The following MYO16 variants were observed in gnomAD, a reference collection of about 807,000 sequenced individuals.
The protein encoded by MYO16 is myosin XVI, also known as unconventional myosin-XVI.
In MYO16, 94 loss-of-function variants were observed where a neutral mutation model predicts 205.3. The observed-to-expected ratio is 0.46, with a 90% CI of 0.39 to 0.54. The LOEUF (loss-of-function observed/expected upper bound fraction) is 0.54, where lower values mean the gene tolerates loss of function less well. MYO16 is among the 20% of genes least tolerant of loss of function. The pLI is 0.00. For missense variants in MYO16, 2,315 were observed against 2,387.5 expected, an observed-to-expected ratio of 0.97 and a Z score of 0.63; for synonymous variants, 988 against 954.0, an observed-to-expected ratio of 1.04 and a Z score of -0.66.
chr13:108,970,752 G>C (rs188132526), intron 20 of MYO16, among the ~76,000 whole-genome samples: 1 of 152,328 alleles, frequency 6.6e-6, no homozygotes, highest in Admixed American at 6.5e-5. Flanking sequence ...AAATGCATGT[G>C]TGTGTGCTGG....
intron 1 of MYO16, among the ~76,000 whole-genome samples, chr13:108,621,330 C>G (rs181272548): frequency 3.0e-4 from 45 of 152,274 alleles, no homozygotes; most frequent in African/African-American, 9.4e-4. Context: ...GTAGTCCCCC[C>G]ACTTATTTGC....
chr13:109,156,223 C>A (rs1409751267), intron 32 of MYO16, among the ~76,000 whole-genome samples: 1 of 152,178 alleles, frequency 6.6e-6, no homozygotes, highest in Non-Finnish European at 1.5e-5. Flanking sequence ...TAATTACGCA[C>A]CATCTATGTG....
In MYO16 at chr13:108,919,414, A is replaced by G. The variant is rs186821668; in HGVS notation, c.1925+9264A>G. Among the ~76,000 whole-genome samples the G allele has an allele frequency of 2.3e-3, 350 of 152,346 alleles. 5 individuals carry two copies. Among genetic ancestry groups the G allele is most frequent in the Admixed American group, 0.02 (309 of 15,308 alleles). ...TTAATAAATATTGCTTTTCTGTCAC[A>G]TCCAATGCAGTCTGCTTGATGACGC... On this transcript the variant is annotated intron_variant, in intron 16 of 34. Coordinates refer to ENST00000457511, the MANE Select transcript of MYO16 (RefSeq NM_001198950.3).
intron 9 of MYO16, 139 bp from the exon 10 acceptor site, chr13:108,844,204 T>A: frequency 1.7e-6 from 1 of 572,918 alleles, no homozygotes; most frequent in Non-Finnish European, 2.7e-6. Context: ...TTCTTACTAA[T>A]TTTTTTCCTG....
intron 1 of MYO16, chr13:108,659,400 CT>C: frequency 2.3e-6 from 1 of 428,904 alleles, no homozygotes; most frequent in Non-Finnish European, 4.7e-6. Context: ...TATTTCCTGG[CT>C]TTCAAGTTTA....
chr13:109,140,473 G>A lies in MYO16; in HGVS notation c.4261G>A (p.Ala1421Thr). 6.5e-7 allele frequency: 1 copy of A among 1,538,828 alleles called. No individual in the cohort carries two copies. Reference sequence around the variant, plus strand: ...GACTCCGCAGTGCGCGCTGCCCCCGGCGGCGCCTCCGGGTGACGAGGACGA... The same window carrying A: ...GACTCCGCAGTGCGCGCTGCCCCCGACGGCGCCTCCGGGTGACGAGGACGA... Reference protein sequence around the residue: ...PGTPQCALPPAAPPGDEDDSE... With the variant: ...PGTPQCALPPTAPPGDEDDSE... Residue 1421 changes from alanine (A) to threonine (T), a missense_variant, in exon 32 of 35, where the codon GCG becomes ACG. Ala to Thr is a moderately conservative substitution (Grantham distance 58). Transcript: ENST00000457511. The surrounding 1 kb of genome is among the most constrained non-coding windows in gnomAD (Gnocchi z 8.0).
intron 19 of MYO16, among the ~76,000 whole-genome samples, chr13:108,963,955 C>T (rs536247575): frequency 5.9e-5 from 9 of 152,174 alleles, no homozygotes; most frequent in Non-Finnish European, 8.8e-5. Flanking sequence ...GAACTTGCAG[C>T]TCTCTGACTA....
chr13:108,800,721 A>G (rs1234313750), intron 6 of MYO16, among the ~76,000 whole-genome samples: 1 of 152,222 alleles, frequency 6.6e-6, no homozygotes, highest in African/African-American at 2.4e-5. Context: ...TCTTCATAAC[A>G]TAGTTTTTAT....
At chr13:109,063,287 T>G (rs1021033605) in intron 27 of MYO16, among the ~76,000 whole-genome samples, 1 of 152,136 alleles carries the variant, frequency 6.6e-6, no homozygotes, top group Non-Finnish European at 1.5e-5. Flanking sequence ...CTTGTCAATA[T>G]TTTTTTCTGT....
chr13:108,839,711 T>G (rs1023769215), intron 9 of MYO16, among the ~76,000 whole-genome samples: 3 of 152,196 alleles, frequency 2.0e-5, no homozygotes, highest in African/African-American at 7.2e-5. Flanking sequence ...GATCCAACTG[T>G]TTTGTGTTCT....
rs140281878 is a variant in MYO16, at chr13:109,187,474, T to G, written c.5415+7841T>G. Among the ~76,000 whole-genome samples, 14 of 152,330 alleles carry G rather than the reference T, an allele frequency of 9.2e-5. No individual in the cohort carries two copies. The East Asian group carries it at 2.5e-3, about 27-fold the overall frequency. Reference sequence around the variant, plus strand: ...GGTAGCATAGATCACTGACTTGAAGTGTTTCTTTTCTTCCTAATAAAAGCA... The same window carrying G: ...GGTAGCATAGATCACTGACTTGAAGGGTTTCTTTTCTTCCTAATAAAAGCA... On this transcript the variant is annotated intron_variant, in intron 34 of 34. Coordinates refer to ENST00000457511, the MANE Select transcript of MYO16 (RefSeq NM_001198950.3).
intron 16 of MYO16, among the ~76,000 whole-genome samples, chr13:108,940,048 A>G (rs1456518126): frequency 6.6e-6 from 1 of 152,182 alleles, no homozygotes; most frequent in Non-Finnish European, 1.5e-5. Context: ...CTTACACCAA[A>G]TACATTACCA....
intron 24 of MYO16, among the ~76,000 whole-genome samples, chr13:109,050,592 G>A (rs1000501585): frequency 6.6e-6 from 1 of 152,110 alleles, no homozygotes; most frequent in African/African-American, 2.4e-5. Context: ...AGTTTTACAT[G>A]CGTTCATGAT....
chr13:108,660,443 T>G (rs1217520861), intron 1 of MYO16, among the ~76,000 whole-genome samples: 2 of 152,226 alleles, frequency 1.3e-5, no homozygotes, highest in Non-Finnish European at 2.9e-5. Flanking sequence ...ATTTTATAAA[T>G]TTGGAAACTC....
chr13:108,704,578 G>A (rs538660660), intron 2 of MYO16, among the ~76,000 whole-genome samples: 2 of 152,050 alleles, frequency 1.3e-5, no homozygotes, highest in African/African-American at 4.8e-5. Flanking sequence ...AAGATACAGA[G>A]ATTTTCCATA....
At chr13:108,759,819 C>CAA (rs34991762) in intron 4 of MYO16, among the ~76,000 whole-genome samples, 6 of 123,868 alleles carry the variant, frequency 4.8e-5, no homozygotes, top group Admixed American at 1.7e-4. Context: ...GACTCCGTCT[C>CAA]AAAAAAAAAA....
At chr13:108,745,679 T>C (rs1201873439) in intron 4 of MYO16, among the ~76,000 whole-genome samples, 1 of 151,732 alleles carries the variant, frequency 6.6e-6, no homozygotes, top group East Asian at 1.9e-4. Flanking sequence ...GAAAACACAG[T>C]TTGAAGATAT....
At chr13:108,837,847 A>T (rs1314253579) in intron 9 of MYO16, among the ~76,000 whole-genome samples, 1 of 152,220 alleles carries the variant, frequency 6.6e-6, no homozygotes, top group Non-Finnish European at 1.5e-5. Context: ...TTTATTCTAA[A>T]GAAATCTTTC....
chr13:108,942,478 G>A (rs1882771807), intron 16 of MYO16, among the ~76,000 whole-genome samples: 1 of 152,036 alleles, frequency 6.6e-6, no homozygotes, highest in South Asian at 2.1e-4. Context: ...ATTGTTTTTA[G>A]AACAGGCAGC....
Sources: allele counts gnomAD v4.1 joint callset (sites outside exome capture counted in the v4.1 genomes callset), GRCh38; gene constraint gnomAD v4.1.1; non-coding constraint Gnocchi (gnomAD v3.1); transcripts MANE v1.5; gene names NCBI Gene and HGNC (gene_info 2026-07-23, HGNC 2026-07-21).